The following SUMF1 variants were observed in gnomAD, a reference collection of about 807,000 sequenced individuals.
SUMF1 encodes formylglycine-generating enzyme.
SUMF1 carries 48 observed loss-of-function variants against 47.6 expected under a neutral mutation model. The observed-to-expected ratio is 1.01, with a 90% CI of 0.80 to 1.28. The LOEUF is 1.28. SUMF1 is among the 50% of genes most tolerant of loss of function. SUMF1 has a pLI of 0.00. For missense variants in SUMF1, 571 were observed against 485.4 expected (o/e 1.18, Z -1.66); for synonymous variants, 230 against 192.1 (o/e 1.20, Z -1.63).
At chr3:4,427,429 G>C (rs1426200722) in intron 3 of SUMF1, among the ~76,000 whole-genome samples, 1 of 152,090 alleles carries the variant, frequency 6.6e-6, no homozygotes, top group Non-Finnish European at 1.5e-5. Flanking sequence ...ATTAAATGGA[G>C]TAAAGAGCAC....
At chr3:4,307,499 G>A (rs925170864) in intron 8 of SUMF1, among the ~76,000 whole-genome samples, 2 of 152,194 alleles carry the variant, frequency 1.3e-5, no homozygotes, top group Non-Finnish European at 2.9e-5. Context: ...AACAGTAAAT[G>A]TAAGTCTAGT....
At chr3:4,318,849 C>G (rs566222341) in intron 8 of SUMF1, among the ~76,000 whole-genome samples, 1 of 152,022 alleles carries the variant, frequency 6.6e-6, no homozygotes, top group Non-Finnish European at 1.5e-5. Context: ...GAGGTTACAG[C>G]GAGCTGAGAT....
chr3:4,065,033 C>T (rs1695345321), intron 9 of SUMF1, among the ~76,000 whole-genome samples: 1 of 152,146 alleles, frequency 6.6e-6, no homozygotes, highest in Non-Finnish European at 1.5e-5. Context: ...GTGCAGTTCT[C>T]CACCCTCTCT....
intron 8 of SUMF1, among the ~76,000 whole-genome samples, chr3:4,270,407 CTT>C (rs1407704560): frequency 6.6e-6 from 1 of 151,866 alleles, no homozygotes. Flanking sequence ...CTCTCTCTCT[CTT>C]TCTCTCTCTC....
intron 8 of SUMF1, among the ~76,000 whole-genome samples, chr3:4,244,394 A>G (rs1053012846): frequency 7.2e-5 from 11 of 152,186 alleles, no homozygotes; most frequent in African/African-American, 2.7e-4. Flanking sequence ...AGTGGCTGGT[A>G]TCAGTTGTTC....
Position 4,350,126 on chromosome 3 carries a change from G to A in SUMF1, c.1014+26204C>T, listed in dbSNP as rs542347650. On this transcript the variant is annotated intron_variant and NMD_transcript_variant, in intron 8 of 12. Transcript: ENST00000448413. The stretch of plus-strand genomic sequence containing the variant: ...AGCAATTCTCCTGCCTCAGCCTCCC[G>A]AGTAGCTGGGATTACAGGCATGCAC... Among the ~76,000 whole-genome samples the A allele has an allele frequency of 1.4e-3, 215 of 151,616 alleles. 2 individuals are homozygous for A. Among genetic ancestry groups the A allele is most frequent in the Admixed American group, 6.3e-3 (96 of 15,226 alleles).
intron 8 of SUMF1, among the ~76,000 whole-genome samples, chr3:4,207,172 A>C (rs1695671316): frequency 6.6e-6 from 1 of 152,116 alleles, no homozygotes; most frequent in Non-Finnish European, 1.5e-5. Flanking sequence ...CAGAAATACA[A>C]TTGATTTTTG....
At chr3:4,249,131 C>A (rs1309733271) in intron 8 of SUMF1, among the ~76,000 whole-genome samples, 1 of 152,230 alleles carries the variant, frequency 6.6e-6, no homozygotes, top group East Asian at 1.9e-4. Context: ...GCTTCAAAAT[C>A]AGTAGAGAAA....
chr3:4,142,100 G>T (rs1694084464), intron 8 of SUMF1, among the ~76,000 whole-genome samples: 1 of 152,112 alleles, frequency 6.6e-6, no homozygotes, highest in African/African-American at 2.4e-5. Context: ...AGCAAAATTT[G>T]GGGGCTACTT....
At chr3:4,224,911 G>T (rs1485608033) in intron 8 of SUMF1, among the ~76,000 whole-genome samples, 1 of 152,046 alleles carries the variant, frequency 6.6e-6, no homozygotes, top group African/African-American at 2.4e-5. Context: ...TAATTCTATG[G>T]TCTGCACCAC....
At chr3:4,154,294 CTA>C (rs1396858054) in intron 8 of SUMF1, among the ~76,000 whole-genome samples, 2 of 151,462 alleles carry the variant, frequency 1.3e-5, no homozygotes, top group Non-Finnish European at 2.9e-5. Flanking sequence ...TAAAGTGACT[CTA>C]ATCCTGGGGA....
At chr3:4,178,764 G>A (rs746113395) in intron 8 of SUMF1, among the ~76,000 whole-genome samples, 4 of 152,166 alleles carry the variant, frequency 2.6e-5, no homozygotes, top group Non-Finnish European at 5.9e-5. Flanking sequence ...TCTGTTTGCA[G>A]ATGACATAAT....
intron 8 of SUMF1, among the ~76,000 whole-genome samples, chr3:4,305,534 G>C (rs941785448): frequency 3.3e-5 from 5 of 152,178 alleles, no homozygotes; most frequent in African/African-American, 1.2e-4. Context: ...AAAAGAGGGG[G>C]AAAGGGGATT....
rs528392299 is a variant in SUMF1, at chr3:4,415,536, G to A, written c.840+1592C>T. Among the ~76,000 whole-genome samples the A allele has an allele frequency of 5.3e-5, 8 of 152,302 alleles. No individual in the cohort carries two copies. The South Asian group carries it at 1.7e-3, about 32-fold the overall frequency. On this transcript the variant is annotated intron_variant, in intron 6 of 8. Transcript: ENST00000272902. ...TCTTTAAAAAATCATCAAAGGGCCA[G>A]GTGCGGTGGCTCATGCCTATAATCC... is the stretch of plus-strand genomic sequence containing the variant.
chr3:4,235,168 T>A (rs1163518260), intron 8 of SUMF1, among the ~76,000 whole-genome samples: 5 of 152,018 alleles, frequency 3.3e-5, no homozygotes, highest in African/African-American at 1.2e-4. Context: ...GATGGAAATA[T>A]CTAAAATGTA....
chr3:4,465,239 G>A (rs1575262709), intron 1 of SUMF1, among the ~76,000 whole-genome samples: 1 of 152,358 alleles, frequency 6.6e-6, no homozygotes, highest in East Asian at 1.9e-4. Context: ...CACGCTGGGA[G>A]GCCAAGGCAA....
chr3:4,050,368 T>A (rs1695085028), intron 9 of SUMF1, among the ~76,000 whole-genome samples: 1 of 152,036 alleles, frequency 6.6e-6, no homozygotes, highest in Admixed American at 6.6e-5. Context: ...TTCCCTAGAC[T>A]TTTGAGCAGT....
chr3:4,446,180 C>G (rs1702774303), intron 3 of SUMF1, among the ~76,000 whole-genome samples: 1 of 152,192 alleles, frequency 6.6e-6, no homozygotes, highest in African/African-American at 2.4e-5. Flanking sequence ...GAGTCCCCAT[C>G]CAAATCTCAT....
intron 8 of SUMF1, among the ~76,000 whole-genome samples, chr3:4,182,177 G>A (rs1256614124): frequency 6.6e-6 from 1 of 151,990 alleles, no homozygotes; most frequent in Non-Finnish European, 1.5e-5. Context: ...TGTAAATAAT[G>A]ATACAGGGTA....
Sources: allele counts gnomAD v4.1 joint callset (sites outside exome capture counted in the v4.1 genomes callset), GRCh38; gene constraint gnomAD v4.1.1; transcripts MANE v1.5; gene names NCBI Gene and HGNC (gene_info 2026-07-23, HGNC 2026-07-21).